Variants in AQR observed in about 807,000 individuals in gnomAD.
AQR encodes the protein RNA helicase aquarius.
A neutral mutation model predicts 180.5 loss-of-function variants in AQR; 61 were observed. The ratio of observed to expected loss-of-function variants is 0.34; its 90% CI spans 0.28 to 0.42. The LOEUF (loss-of-function observed/expected upper bound fraction) is 0.42. AQR is among the 10% of genes least tolerant of loss of function. The pLI, the probability that AQR is intolerant of heterozygous loss-of-function variation, is 1.00. For missense variants in AQR, 1,281 were observed against 1,798.3 expected (o/e 0.71, Z 5.20); for synonymous variants, 551 against 588.8 (o/e 0.94, Z 0.93).
intron 6 of AQR, chr15:34,943,088 C>T (rs759239015): frequency 1.7e-5 from 27 of 1,611,506 alleles, no homozygotes; most frequent in South Asian, 6.6e-5. Context: ...GCATGGTTAA[C>T]GTCCCTAAAA....
At chr15:34,857,557 C>T (rs1313050799) in intron 34 of AQR, among the ~76,000 whole-genome samples, 1 of 152,104 alleles carries the variant, frequency 6.6e-6, no homozygotes, top group Non-Finnish European at 1.5e-5. Context: ...CGAGACTAGC[C>T]TGGCCAACAT....
chr15:34,967,487 C>T (rs143013377), intron 1 of AQR, among the ~76,000 whole-genome samples: 1 of 152,172 alleles, frequency 6.6e-6, no homozygotes, highest in African/African-American at 2.4e-5. Context: ...TGCAAAAATG[C>T]AGGTATATGG....
At chr15:34,916,561 T>TA (rs1362718290) in intron 15 of AQR, among the ~76,000 whole-genome samples, 5 of 151,994 alleles carry the variant, frequency 3.3e-5, no homozygotes, top group African/African-American at 4.8e-5. Context: ...CATTTTTATT[T>TA]AAAAAAATGA....
At chr15:34,932,264 A>G in intron 11 of AQR, 54 bp downstream of exon 11, 1 of 1,469,640 alleles carries the variant, frequency 6.8e-7, no homozygotes, top group Non-Finnish European at 9.5e-7. Context: ...TGGCAAAGAA[A>G]AGATCAATTT....
rs1892584014 is a variant in AQR, at chr15:34,856,216, A to G, written c.*576T>C. The G allele has an allele frequency of 4.8e-6, 1 of 210,194 alleles. No individual in the cohort carries two copies. The highest frequency in any genetic ancestry group is 2.3e-5 in the African/African-American group (1 of 44,048). 13.0% of individuals were successfully genotyped at this position (210,194 alleles called of 1,614,324 possible). ...ATTCAGTCTGAGGTGTGCCTCAAGA[A>G]TAAACAGACATCTTAGGTGATTCTA... On this transcript the variant is annotated 3_prime_UTR_variant, in exon 35 of 35. Coordinates refer to ENST00000156471, the MANE Select transcript of AQR (RefSeq NM_014691.3).
intron 24 of AQR, among the ~76,000 whole-genome samples, chr15:34,888,294 T>G (rs1050633791): frequency 6.6e-6 from 1 of 150,964 alleles, no homozygotes; most frequent in Non-Finnish European, 1.5e-5. Flanking sequence ...TGAGACTCTG[T>G]CCCAATAAAT....
rs7171993 is a variant in AQR, at chr15:34,852,864, C to T, written c.*3928G>A. ...AAATGTCAGGCAGCCCTGAAATAAA[C>T]GCAAGCCAAAAGGTAGAGAGATAAG... On this transcript the variant is annotated 3_prime_UTR_variant, in exon 35 of 35. Coordinates refer to ENST00000156471, the MANE Select transcript of AQR (RefSeq NM_014691.3). 0.72 allele frequency: 109,837 copies of T among 152,110 alleles called. 39,981 individuals carry two copies. Among genetic ancestry groups the T allele is most frequent in the Middle Eastern group, 0.8 (236 of 294 alleles). 9.4% of individuals were successfully genotyped at this position (152,110 alleles called of 1,614,324 possible).
chr15:34,937,944 G>GTA (rs887424949), intron 9 of AQR, among the ~76,000 whole-genome samples: 109 of 149,532 alleles, frequency 7.3e-4, no homozygotes, highest in African/African-American at 1.8e-3. Context: ...TTTTAATATA[G>GTA]TATATATATA....
At chr15:34,904,973 C>T (rs1004261210) in intron 18 of AQR, among the ~76,000 whole-genome samples, 3 of 151,720 alleles carry the variant, frequency 2.0e-5, no homozygotes, top group Admixed American at 6.6e-5. Flanking sequence ...TTTTCTCATC[C>T]TTCCACATTC....
intron 1 of AQR, among the ~76,000 whole-genome samples, chr15:34,969,257 A>G (rs2050330781): frequency 6.6e-6 from 1 of 151,838 alleles, no homozygotes; most frequent in Non-Finnish European, 1.5e-5. Flanking sequence ...CCTGAGACAA[A>G]CTCCAACACA....
intron 14 of AQR, among the ~76,000 whole-genome samples, chr15:34,919,478 C>T (rs1212264955): frequency 6.6e-6 from 1 of 152,044 alleles, no homozygotes; most frequent in Non-Finnish European, 1.5e-5. Context: ...TGTTGTAGCA[C>T]TATACATTTT....
Position 34,906,565 on chromosome 15 carries a change from T to C in AQR, c.1811A>G (p.Lys604Arg). The C allele has an allele frequency of 6.2e-7, 1 of 1,614,044 alleles. No individual in the cohort carries two copies. Among genetic ancestry groups the C allele is most frequent in the Non-Finnish European group, 8.5e-7 (1 of 1,179,926 alleles). The change falls in exon 18 of 35, where the codon AAA becomes AGA. Residue 604 changes from lysine to arginine, a missense_variant. By Grantham distance (26) the Lys-to-Arg change is conservative. Around this residue, in one of 9 missense-constraint regions of AQR, gnomAD observed 200 missense variants for 293.4 expected, o/e 0.68. Coordinates refer to ENST00000156471, the MANE Select transcript of AQR (RefSeq NM_014691.3). The part of the protein sequence containing the change: ...GCEIQGMLDD[K>R]GRVIEDGPEP... Reference sequence around the variant, plus strand: ...CATACCATCTTCAATGACACGTCCTTTATCATCCAGCATGCCCTGAATTTC... The same window carrying C: ...CATACCATCTTCAATGACACGTCCTCTATCATCCAGCATGCCCTGAATTTC...
chr15:34,880,211 G>A (rs1892950906), intron 27 of AQR, among the ~76,000 whole-genome samples: 1 of 152,170 alleles, frequency 6.6e-6, no homozygotes, highest in African/African-American at 2.4e-5. Context: ...CTAAATGTGA[G>A]AGTAGATTAA....
At chr15:34,961,643 A>C in intron 2 of AQR, among the ~76,000 whole-genome samples, 3 of 132,338 alleles carry the variant, frequency 2.3e-5, no homozygotes, top group African/African-American at 5.7e-5. Context: ...AAGAATTCTG[A>C]CTCTGGAACT....
intron 16 of AQR, among the ~76,000 whole-genome samples, chr15:34,914,098 T>C (rs1204646296): frequency 6.6e-6 from 1 of 152,250 alleles, no homozygotes; most frequent in Non-Finnish European, 1.5e-5. Context: ...TCCAAAGCTG[T>C]TCAGCTTTTC....
intron 20 of AQR, among the ~76,000 whole-genome samples, chr15:34,898,478 C>T (rs1893280808): frequency 6.6e-6 from 1 of 152,202 alleles, no homozygotes; most frequent in Non-Finnish European, 1.5e-5. Flanking sequence ...CAGTGAATAG[C>T]TCTAGCAGTA....
chr15:34,925,047 A>G (rs987747447), intron 13 of AQR, among the ~76,000 whole-genome samples: 2 of 152,152 alleles, frequency 1.3e-5, no homozygotes, highest in South Asian at 4.1e-4. Context: ...AGTTGTCATT[A>G]AAAAATTTAA....
rs531920560 is a variant in AQR, at chr15:34,965,712, ACT to A, written c.76-1424_76-1423del. Among the ~76,000 whole-genome samples, 133 of 151,716 alleles carry A rather than the reference ACT, an allele frequency of 8.8e-4. 3 individuals are homozygous for A. The highest frequency in any genetic ancestry group is 2.9e-3 in the African/African-American group (122 of 41,360). ...ATAACACCTTCCCAAATTACCAATC[ACT>A]CTCCAACTCAATAGAAAATCTTCAC... is the stretch of plus-strand genomic sequence containing the variant. On this transcript the variant is annotated intron_variant, in intron 1 of 34. Coordinates refer to ENST00000156471, the MANE Select transcript of AQR (RefSeq NM_014691.3).
At chr15:34,900,347 T>C (rs112125390) in intron 20 of AQR, among the ~76,000 whole-genome samples, 2 of 152,238 alleles carry the variant, frequency 1.3e-5, no homozygotes, top group African/African-American at 2.4e-5. Flanking sequence ...TCAAATGCTA[T>C]AAATATATTT....
Sources: gnomAD v4.1 joint callset for allele counts (sites outside exome capture counted in the v4.1 genomes callset) on GRCh38, gnomAD v4.1.1 for gene constraint, gnomAD v4.1.1 regional missense constraint, MANE v1.5 for transcripts, NCBI Gene and HGNC (gene_info 2026-07-23, HGNC 2026-07-21) for gene names.